HTT: variants seen among roughly 807,000 people sequenced by gnomAD.
HTT encodes the protein huntington disease protein.
A neutral mutation model predicts 362.3 loss-of-function variants in HTT; 104 were observed. The ratio of observed to expected loss-of-function variants is 0.29; its 90% CI spans 0.24 to 0.34. The LOEUF is 0.34. HTT is among the 10% of genes least tolerant of loss of function. HTT has a pLI of 1.00. For missense variants in HTT, 3,301 were observed against 3,928.6 expected (o/e 0.84, Z 4.27); for synonymous variants, 1,577 against 1,548.7 (o/e 1.02, Z -0.43).
chr4:3,138,608 TC>T (rs1716195872), intron 21 of HTT, among the ~76,000 whole-genome samples: 1 of 152,160 alleles, frequency 6.6e-6, no homozygotes, highest in African/African-American at 2.4e-5. Flanking sequence ...TTGATACTTC[TC>T]TTTATTTATT....
At position 3,241,890 on chromosome 4, in the gene HTT, G is replaced by A. The variant is rs985821208; in HGVS notation, c.*1831G>A. 6.6e-6 allele frequency: 1 copy of A among 152,208 alleles called. No individual in the cohort carries two copies. Among genetic ancestry groups the A allele is most frequent in the Non-Finnish European group, 1.5e-5 (1 of 68,042 alleles). The allele number at this position is 152,208 out of a possible 1,614,324, so 9.4% of individuals were successfully genotyped here. A position where few individuals can be genotyped will look rare whatever the true frequency, so the allele number is the denominator to read the frequency against. On this transcript the variant is annotated 3_prime_UTR_variant, in exon 67 of 67. Transcript: ENST00000355072. The stretch of plus-strand genomic sequence containing the variant: ...CAGCAGGAGCGGTAGAAAGGGGTCC[G>A]ATGTTTGAGGAGGCCCTTAAGGGAA...
chr4:3,146,869 C>G lies in HTT; in HGVS notation c.3216C>G (p.Thr1072=). 1 of 1,614,028 alleles carries G rather than the reference C, an allele frequency of 6.2e-7. No individual in the cohort carries two copies. Among genetic ancestry groups the G allele is most frequent in the Non-Finnish European group, 8.5e-7 (1 of 1,179,918 alleles). ...TTGGGATGGCCACAATGATTCTGAC[C>G]CTGCTCTCGTCAGCTTGGTTCCCAT... ...CTVGMATMIL[T]LLSSAWFPLD... is the part of the protein sequence containing the mutation. Residue 1072 remains threonine, a synonymous_variant, in exon 25 of 67, where the codon ACC becomes ACG. Transcript: ENST00000355072.
At position 3,161,403 on chromosome 4, in the gene HTT, G is replaced by A. The variant is rs184365876; in HGVS notation, c.3864+1011G>A. Among the ~76,000 whole-genome samples the A allele has an allele frequency of 9.9e-5, 15 of 152,248 alleles. No homozygotes were observed. The East Asian group carries it at 1.3e-3, about 14-fold the overall frequency. ...ACATACATGTGCATGTGTCTTTATC[G>A]TAGAATGATTTATAATCCTTTGGGT... On this transcript the variant is annotated intron_variant, in intron 29 of 66. Coordinates refer to ENST00000355072, the MANE Select transcript of HTT (RefSeq NM_001388492.1).
chr4:3,154,895 T>G (rs1717067138), intron 27 of HTT, among the ~76,000 whole-genome samples: 1 of 152,172 alleles, frequency 6.6e-6, no homozygotes, highest in African/African-American at 2.4e-5. Context: ...TTGGAGGAGC[T>G]TAAACCATTC....
At chr4:3,180,724 G>A in intron 36 of HTT, 73 bp downstream of exon 36, 1 of 1,337,630 alleles carries the variant, frequency 7.5e-7, no homozygotes, top group Non-Finnish European at 1.0e-6. Context: ...GTGCCATGTG[G>A]TAACGCTCAC....
At position 3,206,702 on chromosome 4, in the gene HTT, C is replaced by A; in HGVS notation, c.5898+27C>A. ...TACGTCTTCATCCTGCCGACTATTG[C>A]CAGTTGCAGTTTTCCCTGCCTTAAA... On this transcript the variant is annotated intron_variant, in intron 43 of 66. Transcript: ENST00000355072. The surrounding 1 kb of genome is among the most constrained non-coding windows in gnomAD (Gnocchi z 4.6). 6.3e-7 allele frequency: 1 copy of A among 1,598,830 alleles called. No individual in the cohort carries two copies. Among genetic ancestry groups the A allele is most frequent in the Non-Finnish European group, 8.6e-7 (1 of 1,168,762 alleles).
intron 1 of HTT, among the ~76,000 whole-genome samples, chr4:3,082,395 T>C (rs755588533): frequency 2.6e-4 from 39 of 152,218 alleles, no homozygotes; most frequent in Non-Finnish European, 5.3e-4. Context: ...TTTAGTCTTA[T>C]TCAGACAACA....
intron 28 of HTT, among the ~76,000 whole-genome samples, chr4:3,158,437 T>C (rs1290231280): frequency 6.6e-6 from 1 of 152,206 alleles, no homozygotes; most frequent in Non-Finnish European, 1.5e-5. Flanking sequence ...TAGGGAGAAC[T>C]TATACCTCAG....
At chr4:3,117,727 G>A (rs1715100757) in intron 8 of HTT, among the ~76,000 whole-genome samples, 2 of 152,018 alleles carry the variant, frequency 1.3e-5, no homozygotes. Context: ...CAGCTACTTG[G>A]GAGGCTGAGA....
Position 3,074,718 on chromosome 4 carries a change from T to G in HTT, c.-108T>G. Reference sequence around the variant, plus strand: ...GGTCCAAGATGGACGGCCGCTCAGGTTCTGCTTTTACCTGCGGCCCAGAGC... The same window carrying G: ...GGTCCAAGATGGACGGCCGCTCAGGGTCTGCTTTTACCTGCGGCCCAGAGC... On this transcript the variant is annotated 5_prime_UTR_variant, in exon 1 of 67. Transcript: ENST00000355072. 8.3e-7 allele frequency: 1 copy of G among 1,207,086 alleles called. No individual in the cohort carries two copies. The highest frequency in any genetic ancestry group is 1.1e-6 in the Non-Finnish European group (1 of 899,434). 74.8% of individuals were successfully genotyped at this position (1,207,086 alleles called of 1,614,324 possible).
At chr4:3,131,256 GACAA>G in intron 14 of HTT, 26 bp from the exon 15 acceptor site, 1 of 1,489,756 alleles carries the variant, frequency 6.7e-7, no homozygotes, top group Non-Finnish European at 9.4e-7. Flanking sequence ...TTGAGTATGA[GACAA>G]ACAAGTGTCA....
At chr4:3,150,299 G>T (rs767001838) in intron 26 of HTT, among the ~76,000 whole-genome samples, 2 of 152,118 alleles carry the variant, frequency 1.3e-5, no homozygotes, top group African/African-American at 4.8e-5. Context: ...ACCCCGATTC[G>T]GTTTAATTTT....
At position 3,199,812 on chromosome 4, in the gene HTT, AG is replaced by A; in HGVS notation, c.5450del (p.Ser1817ThrfsTer2). 6.2e-7 allele frequency: 1 copy of A among 1,614,216 alleles called. No homozygotes were observed. On this transcript the variant is annotated frameshift_variant, in exon 41 of 67. Coordinates refer to ENST00000355072, the MANE Select transcript of HTT (RefSeq NM_001388492.1). LOFTEE classifies it high-confidence loss of function. ...TGGCGGCAGTTTCTACACCCTGGACAGCTTGAACTTGCGGGCTCGTTCCATG... is the reference window on the plus strand; with the variant it reads ...TGGCGGCAGTTTCTACACCCTGGACACTTGAACTTGCGGGCTCGTTCCATG... ...GCGGSFYTLD[S>X]LNLRARSMIT...
At chr4:3,131,921 C>G in intron 16 of HTT, 146 bp downstream of exon 16, 1 of 731,496 alleles carries the variant, frequency 1.4e-6, no homozygotes, top group Non-Finnish European at 2.2e-6. Context: ...TCAGAAAACA[C>G]ATGAATAGTG....
chr4:3,160,218 G>A, intron 28 of HTT, 64 bp from the exon 29 acceptor site: 2 of 1,055,234 alleles, frequency 1.9e-6, no homozygotes, highest in Non-Finnish European at 2.9e-6. Context: ...TTGTGTCTTT[G>A]GTTGTACATT....
intron 2 of HTT, among the ~76,000 whole-genome samples, chr4:3,093,645 G>A (rs949888812): frequency 5.9e-5 from 9 of 152,022 alleles, no homozygotes; most frequent in Admixed American, 1.3e-4. Context: ...GGCACTAAAT[G>A]CAATCACATA....
chr4:3,205,648 A>G (rs1023025287), intron 42 of HTT, among the ~76,000 whole-genome samples: 64 of 152,196 alleles, frequency 4.2e-4, no homozygotes, highest in South Asian at 6.2e-4. Flanking sequence ...TTCAAAGGAA[A>G]TGTTCATTGG....
chr4:3,177,868 A>G (rs991202329), intron 34 of HTT, among the ~76,000 whole-genome samples: 1 of 152,252 alleles, frequency 6.6e-6, no homozygotes, highest in Non-Finnish European at 1.5e-5. Flanking sequence ...CTTAATAAAC[A>G]TTGTAATTAG....
intron 2 of HTT, among the ~76,000 whole-genome samples, chr4:3,098,079 G>A (rs994471293): frequency 1.3e-5 from 2 of 152,090 alleles, no homozygotes; most frequent in Non-Finnish European, 2.9e-5. Flanking sequence ...CTTTTGATGC[G>A]TCAGCTAGGA....
Sources: gnomAD v4.1 joint callset for allele counts (sites outside exome capture counted in the v4.1 genomes callset) on GRCh38, gnomAD v4.1.1 for gene constraint, Gnocchi (gnomAD v3.1) non-coding constraint, MANE v1.5 for transcripts, NCBI Gene and HGNC (gene_info 2026-07-23, HGNC 2026-07-21) for gene names.